EDA: variants seen among roughly 807,000 people sequenced by gnomAD.
EDA encodes ectodysplasin A.
Under a neutral mutation model 23.6 loss-of-function variants are expected in EDA, and 2 were observed. The observed-to-expected ratio is 0.08, with a 90% CI of 0.03 to 0.27. The LOEUF (loss-of-function observed/expected upper bound fraction) is 0.27, where lower values mean the gene tolerates loss of function less well. Ranked by LOEUF, EDA falls within the 10% of genes least tolerant of loss-of-function variation. The pLI is 1.00. For synonymous variants in EDA, 131 were observed against 132.0 expected (o/e 0.99, Z 0.05); for missense variants, 229 against 324.2 (o/e 0.71, Z 2.26).
At chrX:69,754,300 G>C (rs1028626676) in intron 1 of EDA, among the ~76,000 whole-genome samples, 1 of 111,465 alleles carries the variant, frequency 9.0e-6, no homozygotes, top group African/African-American at 3.3e-5. Context: ...GTCTGTAAAG[G>C]ATTTTATTTC....
intron 1 of EDA, among the ~76,000 whole-genome samples, chrX:69,909,690 C>T (rs1444752574): frequency 2.7e-5 from 3 of 112,563 alleles, no homozygotes; most frequent in Non-Finnish European, 5.6e-5. Flanking sequence ...AACTTTACAA[C>T]ATTTTTAACA....
chrX:69,867,406 C>T (rs12848494), intron 1 of EDA, among the ~76,000 whole-genome samples: 33,522 of 111,471 alleles, frequency 0.3, 4,705 homozygotes, highest in Middle Eastern at 0.54. Flanking sequence ...GAGGTTCATT[C>T]GCCTACCTCT....
chrX:69,988,070 C>G (rs2019530730), intron 2 of EDA, among the ~76,000 whole-genome samples: 1 of 112,309 alleles, frequency 8.9e-6, no homozygotes, highest in African/African-American at 3.2e-5. Flanking sequence ...CCACCCCTAC[C>G]TAGTATCAAA....
chrX:70,034,478 G>A, intron 7 of EDA, among the ~76,000 whole-genome samples: 1 of 111,815 alleles, frequency 8.9e-6, no homozygotes, highest in East Asian at 2.8e-4. Context: ...ACACCCATGG[G>A]GCACATGGGC....
chrX:69,858,319 G>A (rs929645554), intron 1 of EDA, among the ~76,000 whole-genome samples: 1 of 111,725 alleles, frequency 9.0e-6, no homozygotes, highest in East Asian at 2.8e-4. Context: ...TTTTCAAGGG[G>A]GATGCTTCCA....
intron 2 of EDA, among the ~76,000 whole-genome samples, chrX:69,998,858 A>G (rs2019698849): frequency 9.0e-6 from 1 of 111,522 alleles, no homozygotes; most frequent in Admixed American, 9.5e-5. Context: ...TTCACCTTCC[A>G]CCATGACTGT....
At position 70,035,300 on chromosome X, in the gene EDA, GGCCC is replaced by G. The variant is rs753808043; in HGVS notation, c.925-57_925-54del. On this transcript the variant is annotated intron_variant, in intron 7 of 7. Transcript: ENST00000374552. ...GATTCTGTCAATTCACCACAGGGAG[GGCCC>G]CCCACCCTCTCTTTCCTCTCTTCCC... 1.6e-4 allele frequency: 183 copies of G among 1,165,515 alleles called. No individual in the cohort carries two copies. In the African/African-American group the frequency reaches 3.0e-3, roughly 19 times the overall value.
intron 1 of EDA, among the ~76,000 whole-genome samples, chrX:69,786,739 G>A (rs1272871025): frequency 9.1e-6 from 1 of 110,072 alleles, no homozygotes; most frequent in Non-Finnish European, 1.9e-5. Flanking sequence ...AATAGGTGTG[G>A]TGTGGTGCTG....
intron 1 of EDA, among the ~76,000 whole-genome samples, chrX:69,622,098 A>G (rs1932206647): frequency 9.0e-6 from 1 of 111,462 alleles, no homozygotes; most frequent in Admixed American, 9.5e-5. Flanking sequence ...TTGCTCGAAT[A>G]TACCACAGTC....
chrX:69,988,380 T>G (rs111791759), intron 2 of EDA, among the ~76,000 whole-genome samples: 5,004 of 111,664 alleles, frequency 0.045, 281 homozygotes, highest in African/African-American at 0.15. Flanking sequence ...AACTGTACAT[T>G]TTTAAATAAC....
intron 1 of EDA, among the ~76,000 whole-genome samples, chrX:69,652,626 T>C (rs1459823239): frequency 8.9e-6 from 1 of 111,978 alleles, no homozygotes; most frequent in African/African-American, 3.2e-5. Context: ...ATTCTTGTCT[T>C]TGACCTTTAA....
At chrX:69,819,910 AAAAC>A (rs1410338297) in intron 1 of EDA, among the ~76,000 whole-genome samples, 4 of 103,042 alleles carry the variant, frequency 3.9e-5, no homozygotes, top group Admixed American at 1.0e-4. Context: ...AAAAAAAAAA[AAAAC>A]AAAAAACACC....
chrX:69,876,885 CTG>C (rs2017653987), intron 1 of EDA, among the ~76,000 whole-genome samples: 3 of 112,692 alleles, frequency 2.7e-5, no homozygotes, highest in South Asian at 7.2e-4. Context: ...ATGAATAAAA[CTG>C]TTATAAACAT....
At chrX:69,662,973 T>C (rs5980831) in intron 1 of EDA, among the ~76,000 whole-genome samples, 25,437 of 111,654 alleles carry the variant, frequency 0.23, 2,166 homozygotes, top group African/African-American at 0.24. Flanking sequence ...GTGACTTGGA[T>C]ACTGTTAAAA....
chrX:69,637,815 T>C (rs1236306506), intron 1 of EDA, among the ~76,000 whole-genome samples: 1 of 111,226 alleles, frequency 9.0e-6, no homozygotes, highest in Non-Finnish European at 1.9e-5. Context: ...CTACTACTAC[T>C]GCTTAGTAGT....
At chrX:69,860,764 TA>T (rs1240599545) in intron 1 of EDA, 4 of 509,495 alleles carry the variant, frequency 7.9e-6, no homozygotes, top group Middle Eastern at 9.7e-4. Context: ...TTTATTTGAA[TA>T]TTGGCTTCTC....
intron 2 of EDA, among the ~76,000 whole-genome samples, chrX:69,972,448 C>G (rs1279246884): frequency 9.0e-6 from 1 of 111,548 alleles, no homozygotes; most frequent in Admixed American, 9.6e-5. Flanking sequence ...GTGACACTAT[C>G]ATAGAAATAA....
chrX:69,975,294 A>G (rs1424419452), intron 2 of EDA, among the ~76,000 whole-genome samples: 1 of 111,892 alleles, frequency 8.9e-6, no homozygotes, highest in African/African-American at 3.2e-5. Context: ...ATAAAAAAGA[A>G]TAAAAGTATG....
At chrX:69,822,521 T>A (rs758668253) in intron 1 of EDA, among the ~76,000 whole-genome samples, 8 of 110,618 alleles carry the variant, frequency 7.2e-5, no homozygotes, top group Non-Finnish European at 1.5e-4. Flanking sequence ...AGAACTCAAG[T>A]CAACGAGGGT....
Sources: allele counts gnomAD v4.1 joint callset (sites outside exome capture counted in the v4.1 genomes callset), GRCh38; gene constraint gnomAD v4.1.1; transcripts MANE v1.5; gene names NCBI Gene and HGNC (gene_info 2026-07-23, HGNC 2026-07-21).